The following AUNIP variants were observed in gnomAD, a reference collection of about 807,000 sequenced individuals.
AUNIP encodes the protein aurora kinase A- and ninein-interacting protein.
In AUNIP, 16 loss-of-function variants were observed where a neutral mutation model predicts 12.2. The observed-to-expected ratio is 1.31, with a 90% CI of 0.88 to 1.99. AUNIP has a LOEUF of 1.99. Among genes scored for constraint, AUNIP ranks in the 30% most tolerant of loss-of-function variants. AUNIP has a pLI of 0.00. For synonymous variants in AUNIP, 142 were observed against 154.8 expected (o/e 0.92, Z 0.61); for missense variants, 411 against 419.1 (o/e 0.98, Z 0.17).
In AUNIP at chr1:25,834,326, A is replaced by T; in HGVS notation, c.*667T>A. 1 of 984,860 alleles carries T rather than the reference A, an allele frequency of 1.0e-6. No individual in the cohort carries two copies. Among genetic ancestry groups the T allele is most frequent in the South Asian group, 4.7e-5 (1 of 21,278 alleles). The allele number at this position is 984,860 out of a possible 1,614,324, so 61.0% of individuals were successfully genotyped here. ...AAGATCAGCCAGAGATTAAAAGCTC[A>T]CACATCTGGCTGGGCGCGGTGGCTT... is the stretch of plus-strand genomic sequence containing the variant. On this transcript the variant is annotated 3_prime_UTR_variant, in exon 3 of 3. Coordinates refer to ENST00000374298, the MANE Select transcript of AUNIP (RefSeq NM_024037.3).
At chr1:25,855,244 G>T (rs1341869727) in intron 1 of AUNIP, among the ~76,000 whole-genome samples, 9 of 152,052 alleles carry the variant, frequency 5.9e-5, no homozygotes, top group Non-Finnish European at 1.5e-5. Flanking sequence ...CTGTGCTCAA[G>T]GAAAGGGGAA....
At chr1:25,838,710 A>G (rs2048323050) in intron 1 of AUNIP, among the ~76,000 whole-genome samples, 1 of 152,222 alleles carries the variant, frequency 6.6e-6, no homozygotes, top group Non-Finnish European at 1.5e-5. Context: ...AGGTTTGAAA[A>G]GTGAGTTGTC....
At position 25,835,093 on chromosome 1, in the gene AUNIP, C is replaced by T. The variant is rs1231929426; in HGVS notation, c.974G>A (p.Trp325Ter). The part of the protein sequence containing the change: ...WDLGPFPNSP[W>*]AQCQEDGPTQ... ...TGGCCCATCCTCCTGGCACTGAGCC[C>T]AAGGACTGTTAGGAAACGGCCCTAA... Residue 325 changes from tryptophan (W) to a stop codon, truncating the protein, a stop_gained, in exon 3 of 3, where the codon TGG (tryptophan) becomes TAG (stop). Coordinates refer to ENST00000374298, the MANE Select transcript of AUNIP (RefSeq NM_024037.3). LOFTEE classifies it high-confidence loss of function. 1 of 1,614,176 alleles carries T rather than the reference C, an allele frequency of 6.2e-7. No individual in the cohort carries two copies. The highest frequency in any genetic ancestry group is 8.5e-7 in the Non-Finnish European group (1 of 1,180,038).
chr1:25,853,069 T>G (rs1313577767), intron 1 of AUNIP, among the ~76,000 whole-genome samples: 1 of 152,198 alleles, frequency 6.6e-6, no homozygotes, highest in African/African-American at 2.4e-5. Flanking sequence ...GAATGTTCCA[T>G]GTGTCATGGA....
At chr1:25,851,949 G>C (rs533128624) in intron 1 of AUNIP, among the ~76,000 whole-genome samples, 1 of 151,674 alleles carries the variant, frequency 6.6e-6, no homozygotes, top group African/African-American at 2.4e-5. Flanking sequence ...ACCTCACCTG[G>C]CCTCTTGCTG....
chr1:25,858,617 ATG>A (rs1440967616), intron 1 of AUNIP, among the ~76,000 whole-genome samples: 1 of 152,216 alleles, frequency 6.6e-6, no homozygotes, highest in Non-Finnish European at 1.5e-5. Flanking sequence ...ACAGACCTGA[ATG>A]TGATTTCCAG....
intron 1 of AUNIP, among the ~76,000 whole-genome samples, chr1:25,857,528 C>T (rs1194791019): frequency 6.7e-6 from 1 of 149,434 alleles, no homozygotes; most frequent in Non-Finnish European, 1.5e-5. Context: ...GGATTACAGG[C>T]GTGAGCCACC....
At chr1:25,845,155 T>C (rs2048373073) in intron 1 of AUNIP, among the ~76,000 whole-genome samples, 1 of 152,234 alleles carries the variant, frequency 6.6e-6, no homozygotes, top group Admixed American at 6.5e-5. Context: ...CATAAACTCT[T>C]GCCTAGCCCT....
downstream of AUNIP, among the ~76,000 whole-genome samples, chr1:25,833,271 C>T (rs777854969): frequency 3.3e-5 from 5 of 152,008 alleles, no homozygotes; most frequent in Admixed American, 6.6e-5. Flanking sequence ...TGCACCACCA[C>T]ACCCAGGAAA....
In AUNIP at chr1:25,835,168, T is replaced by C; in HGVS notation, c.899A>G (p.His300Arg). 6.2e-7 allele frequency: 1 copy of C among 1,614,232 alleles called. No individual in the cohort carries two copies. Among genetic ancestry groups the C allele is most frequent in the Non-Finnish European group, 8.5e-7 (1 of 1,180,040 alleles). The change falls in exon 3 of 3, where the codon CAC becomes CGC. Residue 300 changes from histidine (H) to arginine (R), a missense_variant. Transcript: ENST00000374298. ...EDSQGQRVIA[H>R]NTRAPFQDVT... is the part of the protein sequence containing the mutation. ...ATCTTGAAAAGGAGCTCTAGTGTTG[T>C]GGGCAATGACCCGCTGGCCTTGAGA...
At chr1:25,850,905 G>C (rs1280775361) in intron 1 of AUNIP, among the ~76,000 whole-genome samples, 1 of 152,014 alleles carries the variant, frequency 6.6e-6, no homozygotes, top group African/African-American at 2.4e-5. Flanking sequence ...AAATTTCCCT[G>C]CATAAAATCT....
At chr1:25,837,367 C>A in intron 2 of AUNIP, 46 bp downstream of exon 2, 1 of 1,579,184 alleles carries the variant, frequency 6.3e-7, no homozygotes, top group Non-Finnish European at 8.6e-7. Context: ...GAACACACTC[C>A]TTTTTTGCTC....
chr1:25,834,285 T>G lies in AUNIP; in HGVS notation c.*708A>C. On this transcript the variant is annotated 3_prime_UTR_variant, in exon 3 of 3. Coordinates refer to ENST00000374298, the MANE Select transcript of AUNIP (RefSeq NM_024037.3). ...GGGTCAAGAGTAATCATCCCAAGCT[T>G]AGGCTGATGTGGGTTAAGATCAGCC... 1 of 985,342 alleles carries G rather than the reference T, an allele frequency of 1.0e-6. No individual in the cohort carries two copies. Among genetic ancestry groups the G allele is most frequent in the Non-Finnish European group, 1.2e-6 (1 of 829,920 alleles). 61.0% of individuals were successfully genotyped at this position (985,342 alleles called of 1,614,324 possible). A position where few individuals can be genotyped will look rare whatever the true frequency, so the allele number is the denominator to read the frequency against.
chr1:25,859,304 C>T lies in AUNIP; in HGVS notation c.54G>A (p.Ala18=). 6.3e-7 allele frequency: 1 copy of T among 1,576,240 alleles called. No individual in the cohort carries two copies. The highest frequency in any genetic ancestry group is 8.6e-7 in the Non-Finnish European group (1 of 1,163,144). Residue 18 remains alanine (A), a synonymous_variant, in exon 1 of 3, where the codon GCG becomes GCA. Transcript: ENST00000374298. ...CCTGCACTTTCCGCCTCTTCAGCGC[C>T]GCCGCGTCCAGCCACACGCCGCAGG... ...EEACGVWLDA[A]ALKRRKVQTH...
At chr1:25,857,304 GGCAC>G (rs1267825905) in intron 1 of AUNIP, among the ~76,000 whole-genome samples, 2 of 147,964 alleles carry the variant, frequency 1.4e-5, no homozygotes, top group East Asian at 4.0e-4. Flanking sequence ...GGAGTGCAGT[GGCAC>G]GATCTCGGCT....
chr1:25,857,860 T>C (rs937828983), intron 1 of AUNIP, among the ~76,000 whole-genome samples: 1 of 149,190 alleles, frequency 6.7e-6, no homozygotes, highest in Non-Finnish European at 1.5e-5. Flanking sequence ...TGAAACTCCA[T>C]CTCAAAAATA....
At chr1:25,832,170 G>A (rs2048253494), downstream of AUNIP, 6 of 1,548,762 alleles carry the variant, frequency 3.9e-6, no homozygotes, top group South Asian at 3.5e-5. Context: ...TGAAAGAGAA[G>A]AGCTGGATTA....
chr1:25,831,956 T>C (rs774769196), downstream of AUNIP: 96 of 1,614,106 alleles, frequency 5.9e-5, no homozygotes, highest in Non-Finnish European at 7.8e-5. Context: ...GACCCTGCTG[T>C]GCTTATCTCT....
chr1:25,851,857 C>T (rs1021888045), intron 1 of AUNIP, among the ~76,000 whole-genome samples: 5 of 152,192 alleles, frequency 3.3e-5, no homozygotes, highest in Non-Finnish European at 5.9e-5. Flanking sequence ...GCCTCAGCCT[C>T]CCGAGTAGCT....
Sources: allele counts gnomAD v4.1 joint callset (sites outside exome capture counted in the v4.1 genomes callset), GRCh38; gene constraint gnomAD v4.1.1; transcripts MANE v1.5; gene names NCBI Gene and HGNC (gene_info 2026-07-23, HGNC 2026-07-21).